The following CDH3 variants were observed in gnomAD, a reference collection of about 807,000 sequenced individuals.
CDH3 encodes cadherin 3, also known as cadherin-3.
Under a neutral mutation model 82.0 loss-of-function variants are expected in CDH3, and 54 were observed. The ratio of observed to expected loss-of-function variants is 0.66; its 90% CI spans 0.53 to 0.83. The LOEUF (loss-of-function observed/expected upper bound fraction) is 0.83. Among genes scored for constraint, CDH3 ranks in the 40% least tolerant of loss-of-function variants. The pLI is 0.00. For missense variants in CDH3, 1,054 were observed against 1,084.6 expected, an observed-to-expected ratio of 0.97 and a Z score of 0.40; for synonymous variants, 446 against 437.9, an observed-to-expected ratio of 1.02 and a Z score of -0.23.
At position 68,682,317 on chromosome 16, in the gene CDH3, C is replaced by T. The variant is rs755891540; in HGVS notation, c.1012C>T (p.Pro338Ser). The change falls in exon 9 of 16, where the codon CCT becomes TCT. Residue 338 changes from proline to serine, a missense_variant. Pro to Ser is a moderately conservative substitution (Grantham distance 74). Coordinates refer to ENST00000264012, the MANE Select transcript of CDH3 (RefSeq NM_001793.6). ...ACACTGACAGTACGAGGCCCATGTG[C>T]CTGAGAATGCAGTGGGCCATGAGGT... Reference protein sequence around the residue: ...FDPQKYEAHVPENAVGHEVQR... With the variant: ...FDPQKYEAHVSENAVGHEVQR... 6.2e-7 allele frequency: 1 copy of T among 1,613,834 alleles called. No homozygotes were observed. Among genetic ancestry groups the T allele is most frequent in the South Asian group, 1.1e-5 (1 of 91,072 alleles).
At chr16:68,676,523 C>A in intron 3 of CDH3, 53 bp downstream of exon 3, 1 of 1,419,630 alleles carries the variant, frequency 7.0e-7, no homozygotes, top group Non-Finnish European at 1.0e-6. Flanking sequence ...TCTGTGCATG[C>A]CCAAATTGCT....
intron 1 of CDH3, among the ~76,000 whole-genome samples, chr16:68,711,900 G>A (rs887290388): frequency 1.3e-5 from 2 of 152,092 alleles, no homozygotes; most frequent in African/African-American, 2.4e-5. Flanking sequence ...CCCAGGGATG[G>A]AGGAGCAGCC....
intron 3 of CDH3, 30 bp from the exon 4 acceptor site, chr16:68,678,104 A>G (rs774185337): frequency 1.2e-6 from 2 of 1,609,724 alleles, no homozygotes; most frequent in Non-Finnish European, 1.7e-6. Flanking sequence ...CTATTTGCAC[A>G]TCTGGGTTAA....
At chr16:68,706,841 A>G (rs2152109525) in intron 1 of CDH3, among the ~76,000 whole-genome samples, 1 of 152,278 alleles carries the variant, frequency 6.6e-6, no homozygotes, top group South Asian at 2.1e-4. Flanking sequence ...GGCGTGAGCC[A>G]CTGTGCCCGG....
chr16:68,666,317 C>T (rs568267265), intron 2 of CDH3, among the ~76,000 whole-genome samples: 6 of 152,254 alleles, frequency 3.9e-5, no homozygotes, highest in East Asian at 1.9e-4. Context: ...CTGTTGCCCT[C>T]CAAGAGCTGC....
At chr16:68,720,455 CAT>C (rs1962148071) in intron 1 of CDH3, among the ~76,000 whole-genome samples, 1 of 152,088 alleles carries the variant, frequency 6.6e-6, no homozygotes, top group African/African-American at 2.4e-5. Context: ...CTCCCAGAAA[CAT>C]AGTTTCTTAG....
intron 8 of CDH3, among the ~76,000 whole-genome samples, chr16:68,681,545 T>G (rs1318947889): frequency 6.6e-6 from 1 of 152,196 alleles, no homozygotes; most frequent in East Asian, 1.9e-4. Context: ...GAATAAAAAT[T>G]TGTAATGACG....
intron 2 of CDH3, among the ~76,000 whole-genome samples, chr16:68,654,975 G>T (rs1333202058): frequency 6.6e-6 from 1 of 152,124 alleles, no homozygotes; most frequent in South Asian, 2.1e-4. Flanking sequence ...GGCGGAGGTT[G>T]CAGTGAGCCG....
intron 2 of CDH3, among the ~76,000 whole-genome samples, chr16:68,653,395 G>A (rs547553246): frequency 6.6e-6 from 1 of 152,006 alleles, no homozygotes; most frequent in African/African-American, 2.4e-5. Context: ...GCGCCACCAA[G>A]TCCGGCTAAT....
chr16:68,720,775 C>T (rs1326476148), intron 1 of CDH3, among the ~76,000 whole-genome samples: 1 of 151,994 alleles, frequency 6.6e-6, no homozygotes, highest in Non-Finnish European at 1.5e-5. Flanking sequence ...GAGCCTGCCA[C>T]CACGCCGACT....
intron 1 of CDH3, among the ~76,000 whole-genome samples, chr16:68,708,596 T>C (rs1208610208): frequency 6.6e-6 from 1 of 152,054 alleles, no homozygotes; most frequent in Non-Finnish European, 1.5e-5. Flanking sequence ...CCCCAATGCT[T>C]TATCTTTTCT....
intron 2 of CDH3, among the ~76,000 whole-genome samples, chr16:68,657,701 T>A (rs1357903552): frequency 1.3e-5 from 2 of 152,118 alleles, no homozygotes; most frequent in African/African-American, 4.8e-5. Flanking sequence ...AGAGGAAAGA[T>A]CTGTTTTTCC....
chr16:68,680,634 A>C (rs1196933390), intron 7 of CDH3, among the ~76,000 whole-genome samples: 4 of 152,188 alleles, frequency 2.6e-5, no homozygotes, highest in Admixed American at 2.0e-4. Context: ...AGCCAAGATC[A>C]CGCCACTACA....
chr16:68,671,935 TG>T (rs1960893413), intron 2 of CDH3, among the ~76,000 whole-genome samples: 1 of 152,170 alleles, frequency 6.6e-6, no homozygotes, highest in African/African-American at 2.4e-5. Context: ...ACACAACTCG[TG>T]TTAAGGGAAA....
intron 15 of CDH3, chr16:68,696,496 T>C (rs3118237): frequency 0.89 from 168,652 of 189,370 alleles, 75,530 homozygotes; most frequent in African/African-American, 0.97. Context: ...GAGGCCAAGG[T>C]GGGCAGATCA....
rs113679101 is a variant in CDH3 at position 68,658,062 on chromosome 16, C to CTT, written c.160+12331_160+12332dup. ...CCCATATCTCCCAGTCTTTTTCTTT[C>CTT]TTTTTTTTTTTTTTTTTTTTAGAGA... On this transcript the variant is annotated intron_variant, in intron 2 of 15. Transcript: ENST00000264012. Among the ~76,000 whole-genome samples the CTT allele has an allele frequency of 4.4e-3, 550 of 126,128 alleles. 5 individuals carry two copies. The highest frequency in any genetic ancestry group is 0.014 in the African/African-American group (496 of 34,428). The allele number at this position is 126,128 out of a possible 152,430, so 82.7% of individuals were successfully genotyped here.
chr16:68,667,031 G>T (rs1392809100), intron 2 of CDH3, among the ~76,000 whole-genome samples: 1 of 152,118 alleles, frequency 6.6e-6, no homozygotes, highest in African/African-American at 2.4e-5. Context: ...TGCCAGAAAG[G>T]TTGTGCCAGT....
chr16:68,662,803 C>G, intron 2 of CDH3, among the ~76,000 whole-genome samples: 1 of 151,442 alleles, frequency 6.6e-6, no homozygotes, highest in East Asian at 1.9e-4. Flanking sequence ...GCCTCAGCCT[C>G]CCAAAGTGCT....
At chr16:68,652,179 A>G (rs1960269104) in intron 2 of CDH3, among the ~76,000 whole-genome samples, 1 of 152,158 alleles carries the variant, frequency 6.6e-6, no homozygotes, top group Non-Finnish European at 1.5e-5. Context: ...GGAGATATCC[A>G]TAAATGTGGC....
Sources: gnomAD v4.1 joint callset for allele counts (sites outside exome capture counted in the v4.1 genomes callset) on GRCh38, gnomAD v4.1.1 for gene constraint, MANE v1.5 for transcripts, NCBI Gene and HGNC (gene_info 2026-07-23, HGNC 2026-07-21) for gene names.